Variants in EXT1 observed in about 807,000 individuals in gnomAD.
The protein encoded by EXT1 is exostosin-1.
In EXT1, 20 loss-of-function variants were observed where a neutral mutation model predicts 82.5. The observed-to-expected ratio is 0.24, with a 90% CI of 0.17 to 0.35. The LOEUF (loss-of-function observed/expected upper bound fraction) is 0.35, where lower values mean the gene tolerates loss of function less well. EXT1 is among the 10% of genes least tolerant of loss of function. The probability of loss-of-function intolerance (pLI) is 1.00; values close to 1 mark genes in which losing one functional copy is unlikely to be tolerated. For synonymous variants in EXT1, 348 were observed against 350.8 expected, an observed-to-expected ratio of 0.99 and a Z score of 0.09; for missense variants, 757 against 936.5, an observed-to-expected ratio of 0.81 and a Z score of 2.50.
At chr8:117,843,861 C>T (rs1812310786) in intron 1 of EXT1, among the ~76,000 whole-genome samples, 2 of 152,174 alleles carry the variant, frequency 1.3e-5, no homozygotes, top group South Asian at 4.1e-4. Context: ...CATTTTCTTT[C>T]CATTACATCA....
chr8:117,998,697 T>A (rs527291721), intron 1 of EXT1, among the ~76,000 whole-genome samples: 1 of 152,248 alleles, frequency 6.6e-6, no homozygotes, highest in Non-Finnish European at 1.5e-5. Context: ...TCTGTGCCCA[T>A]CACACAAATA....
intron 1 of EXT1, among the ~76,000 whole-genome samples, chr8:118,000,876 T>C (rs948294746): frequency 6.6e-6 from 1 of 152,086 alleles, no homozygotes; most frequent in African/African-American, 2.4e-5. Flanking sequence ...TGATCCCTAA[T>C]GTAGCAAAAT....
intron 1 of EXT1, among the ~76,000 whole-genome samples, chr8:117,859,706 C>T (rs373894426): frequency 6.6e-6 from 1 of 152,180 alleles, no homozygotes. Context: ...TTTGGTTTTA[C>T]TGAACATATA....
intron 1 of EXT1, among the ~76,000 whole-genome samples, chr8:117,842,385 A>G (rs1812286810): frequency 6.6e-6 from 1 of 152,240 alleles, no homozygotes; most frequent in African/African-American, 2.4e-5. Context: ...CTGAAGGAAG[A>G]TAACAGAACA....
At chr8:117,889,208 G>A (rs952480277) in intron 1 of EXT1, among the ~76,000 whole-genome samples, 16 of 152,144 alleles carry the variant, frequency 1.1e-4, no homozygotes, top group Non-Finnish European at 1.8e-4. Context: ...TGATGATCAC[G>A]GAGCCTCGTT....
In EXT1 at chr8:117,999,305, C is replaced by T. The variant is rs187685949; in HGVS notation, c.962+110780G>A. Among the ~76,000 whole-genome samples, 23 of 152,198 alleles carry T rather than the reference C, an allele frequency of 1.5e-4. 1 individual carries two copies. The East Asian group carries it at 3.9e-3, about 26-fold the overall frequency. On this transcript the variant is annotated intron_variant, in intron 1 of 10. Coordinates refer to ENST00000378204, the MANE Select transcript of EXT1 (RefSeq NM_000127.3). Reference sequence around the variant, plus strand: ...GATGATTCTAGTTAAATTTATGAGACGCTCCACAACTTAACTCCTACACTC... The same window carrying T: ...GATGATTCTAGTTAAATTTATGAGATGCTCCACAACTTAACTCCTACACTC...
At chr8:117,803,441 C>T (rs1823196264) in intron 10 of EXT1, among the ~76,000 whole-genome samples, 1 of 152,158 alleles carries the variant, frequency 6.6e-6, no homozygotes. Flanking sequence ...AAGTGATCTG[C>T]CTGCCTCGGC....
intron 1 of EXT1, among the ~76,000 whole-genome samples, chr8:117,857,122 T>C (rs1812578363): frequency 6.6e-6 from 1 of 152,230 alleles, no homozygotes; most frequent in African/African-American, 2.4e-5. Context: ...ACCTACGGCT[T>C]AGAAAGAAAA....
intron 1 of EXT1, among the ~76,000 whole-genome samples, chr8:117,874,640 TA>T (rs1812936082): frequency 6.6e-6 from 1 of 150,722 alleles, no homozygotes; most frequent in African/African-American, 2.5e-5. Flanking sequence ...ATAGATGAGC[TA>T]TCATATAATC....
At chr8:118,067,713 C>T (rs535857015) in intron 1 of EXT1, among the ~76,000 whole-genome samples, 93 of 152,332 alleles carry the variant, frequency 6.1e-4, no homozygotes, top group African/African-American at 2.2e-3. Flanking sequence ...AGACCAGTTA[C>T]ATGCTACTTG....
intron 1 of EXT1, among the ~76,000 whole-genome samples, chr8:117,900,231 C>T (rs1003058372): frequency 2.0e-5 from 3 of 152,158 alleles, no homozygotes; most frequent in African/African-American, 4.8e-5. Context: ...GGTCTGGAAG[C>T]ACCCAGCGAA....
intron 1 of EXT1, among the ~76,000 whole-genome samples, chr8:118,037,511 A>C (rs1563636414): frequency 6.6e-6 from 1 of 151,888 alleles, no homozygotes; most frequent in Non-Finnish European, 1.5e-5. Context: ...ACACCCAGCC[A>C]GAAGATTCTT....
At chr8:117,959,454 C>A (rs570214132) in intron 1 of EXT1, among the ~76,000 whole-genome samples, 6 of 152,342 alleles carry the variant, frequency 3.9e-5, no homozygotes, top group African/African-American at 1.4e-4. Flanking sequence ...CAAATTATAA[C>A]CATGGGAAGC....
chr8:117,908,509 A>G (rs961976961), intron 1 of EXT1, among the ~76,000 whole-genome samples: 6 of 152,056 alleles, frequency 3.9e-5, no homozygotes, highest in Non-Finnish European at 7.4e-5. Context: ...GTATGCCTGT[A>G]GTCCCAGCTA....
rs1817876363 is a variant in EXT1, at chr8:118,110,454, C to A, written c.593G>T (p.Gly198Val). Residue 198 changes from glycine (G) to valine (V), a missense_variant, in exon 1 of 11, where the codon GGC (glycine) becomes GTC (valine). Transcript: ENST00000378204. ...RNHLIFNLYS[G>V]TWPDYTEDVG... is the part of the protein sequence containing the mutation. ...GTCCTCGGTGTAGTCAGGCCAAGTG[C>A]CGGAATATAAATTAAAAATTAAATG... is the stretch of plus-strand genomic sequence containing the variant. 1.2e-6 allele frequency: 2 copies of A among 1,614,138 alleles called. No individual in the cohort carries two copies.
Position 118,110,665 on chromosome 8 carries a change from C to A in EXT1, c.382G>T (p.Ala128Ser), listed in dbSNP as rs587778298. Residue 128 changes from alanine to serine, a missense_variant, in exon 1 of 11, where the codon GCC becomes TCC. By Grantham distance (99) the Ala-to-Ser change is moderately conservative. This residue lies in a region of EXT1 where 247 missense variants were observed against 330.1 expected (regional missense o/e 0.75). Coordinates refer to ENST00000378204, the MANE Select transcript of EXT1 (RefSeq NM_000127.3). ...GCTAGAATGTTTTGGTAACTTTCGG[C>A]GATTTTCTCCCCTTTTTGCTGTGGG... The part of the protein sequence containing the change: ...VYPQQKGEKI[A>S]ESYQNILAAI... 16 of 1,614,008 alleles carry A rather than the reference C, an allele frequency of 9.9e-6. No homozygotes were observed. In the South Asian group the frequency reaches 1.6e-4, roughly 17 times the overall value.
intron 1 of EXT1, among the ~76,000 whole-genome samples, chr8:117,973,010 G>T (rs2129745631): frequency 6.6e-6 from 1 of 152,212 alleles, no homozygotes; most frequent in South Asian, 2.1e-4. Flanking sequence ...CCAAAGAAAG[G>T]CTCAGAAAAC....
At chr8:117,911,297 C>G (rs1242365269) in intron 1 of EXT1, among the ~76,000 whole-genome samples, 1 of 152,172 alleles carries the variant, frequency 6.6e-6, no homozygotes, top group Non-Finnish European at 1.5e-5. Context: ...CCTCCTGTCT[C>G]CTGGTATGCT....
At chr8:117,940,220 C>G (rs1201995602) in intron 1 of EXT1, among the ~76,000 whole-genome samples, 1 of 152,254 alleles carries the variant, frequency 6.6e-6, no homozygotes, top group Non-Finnish European at 1.5e-5. Flanking sequence ...CAGCAGATGA[C>G]AGCAGGCTAC....
Sources: gnomAD v4.1 joint callset for allele counts (sites outside exome capture counted in the v4.1 genomes callset) on GRCh38, gnomAD v4.1.1 for gene constraint, gnomAD v4.1.1 regional missense constraint, MANE v1.5 for transcripts, NCBI Gene and HGNC (gene_info 2026-07-23, HGNC 2026-07-21) for gene names.